Variants in USP33 observed in about 807,000 individuals in gnomAD.
USP33 encodes ubiquitin specific peptidase 33, also known as ubiquitin carboxyl-terminal hydrolase 33.
USP33 carries 46 observed loss-of-function variants against 124.2 expected under a neutral mutation model. The ratio of observed to expected loss-of-function variants is 0.37; its 90% CI spans 0.29 to 0.47. The LOEUF is 0.47. Among genes scored for constraint, USP33 ranks in the 20% least tolerant of loss-of-function variants. The pLI, the probability that USP33 is intolerant of heterozygous loss-of-function variation, is 0.99. For synonymous variants in USP33, 350 were observed against 352.3 expected, an observed-to-expected ratio of 0.99 and a Z score of 0.07; for missense variants, 851 against 1,070.6, an observed-to-expected ratio of 0.79 and a Z score of 2.86.
At chr1:77,700,697 CTTT>C (rs534786658) in intron 22 of USP33, among the ~76,000 whole-genome samples, 3 of 132,138 alleles carry the variant, frequency 2.3e-5, no homozygotes, top group Admixed American at 7.7e-5. Flanking sequence ...ATATCAGAAT[CTTT>C]TTTTTTTTTT....
chr1:77,709,779 ATATC>A (rs984043826), intron 21 of USP33, among the ~76,000 whole-genome samples: 7 of 151,706 alleles, frequency 4.6e-5, no homozygotes, highest in African/African-American at 1.7e-4. Flanking sequence ...AGACATATAT[ATATC>A]TGAGAGCTAG....
intron 10 of USP33, among the ~76,000 whole-genome samples, chr1:77,727,948 T>C (rs923194621): frequency 1.3e-5 from 2 of 152,192 alleles, no homozygotes; most frequent in Admixed American, 6.5e-5. Context: ...TGTATATAAT[T>C]AGAAAATTGC....
chr1:77,756,791 C>T (rs1680840037), intron 1 of USP33, among the ~76,000 whole-genome samples: 1 of 152,208 alleles, frequency 6.6e-6, no homozygotes, highest in South Asian at 2.1e-4. Context: ...CCCATGTCAT[C>T]TCAGGTCCAA....
Position 77,723,419 on chromosome 1 carries a change from T to C in USP33, c.1301A>G (p.Lys434Arg), listed in dbSNP as rs1367257151. ...KKAQSASPKRKKQHKKYRSVI... is the reference protein window; with the variant it reads ...KKAQSASPKRRKQHKKYRSVI... The stretch of plus-strand genomic sequence containing the variant: ...ACTTCTGTATTTCTTGTGCTGTTTT[T>C]TTCTCTTTGGAGATGCAGACTGAGC... The change falls in exon 12 of 24, where the codon AAA (lysine) becomes AGA (arginine). Residue 434 changes from lysine to arginine, a missense_variant. Lys to Arg is a conservative substitution (Grantham distance 26, BLOSUM62 2). Around this residue, in one of 4 missense-constraint regions of USP33, gnomAD observed 281 missense variants for 425.0 expected, o/e 0.66. Transcript: ENST00000370794. 3 of 1,612,720 alleles carry C rather than the reference T, an allele frequency of 1.9e-6. No individual in the cohort carries two copies. Among genetic ancestry groups the C allele is most frequent in the East Asian group, 2.2e-5 (1 of 44,824 alleles).
chr1:77,702,221 G>A lies in USP33; in HGVS notation c.2407-750C>T, dbSNP rs142390739. Among the ~76,000 whole-genome samples the A allele has an allele frequency of 2.8e-3, 389 of 139,518 alleles. 8 individuals are homozygous for A. The highest frequency in any genetic ancestry group is 9.8e-3 in the African/African-American group (366 of 37,494). 91.5% of individuals were successfully genotyped at this position (139,518 alleles called of 152,430 possible). A position where few individuals can be genotyped will look rare whatever the true frequency, so the allele number is the denominator to read the frequency against. On this transcript the variant is annotated intron_variant, in intron 21 of 23. Transcript: ENST00000370794. ...GTATGCTAACTTAGTACTAGAATACGTGGTAGCATCTATGAATAAACAATT... is the reference window on the plus strand; with the variant it reads ...GTATGCTAACTTAGTACTAGAATACATGGTAGCATCTATGAATAAACAATT...
chr1:77,735,023 T>C (rs145161038), intron 6 of USP33, among the ~76,000 whole-genome samples: 4,057 of 151,754 alleles, frequency 0.027, 81 homozygotes, highest in Middle Eastern at 0.1. Flanking sequence ...CTCGGGAGGC[T>C]GAAGCAGGAG....
chr1:77,755,471 G>C (rs1012463759), intron 1 of USP33, among the ~76,000 whole-genome samples: 1 of 152,190 alleles, frequency 6.6e-6, no homozygotes, highest in Non-Finnish European at 1.5e-5. Flanking sequence ...CAAGGTGGGA[G>C]GGTCACTTGA....
At chr1:77,711,324 C>T (rs1675224706) in intron 21 of USP33, among the ~76,000 whole-genome samples, 1 of 152,084 alleles carries the variant, frequency 6.6e-6, no homozygotes, top group African/African-American at 2.4e-5. Context: ...GTCAGGAGTT[C>T]GAGACCAGCA....
rs555750782 is a variant in USP33, at chr1:77,744,672, C to T, written c.-51-2924G>A. On this transcript the variant is annotated intron_variant, in intron 1 of 23. Coordinates refer to ENST00000370794, the MANE Select transcript of USP33 (RefSeq NM_201624.3). ...CAGCCTGAGCAACATAGCGAGACCT[C>T]GTCTCTACTAAAAATTTAAAAAATC... 5.9e-5 allele frequency among the ~76,000 whole-genome samples: 9 copies of T among 152,190 alleles called. No homozygotes were observed. The South Asian group carries it at 1.9e-3, about 32-fold the overall frequency.
At chr1:77,705,554 C>T (rs1387847210) in intron 21 of USP33, among the ~76,000 whole-genome samples, 1 of 151,968 alleles carries the variant, frequency 6.6e-6, no homozygotes, top group African/African-American at 2.4e-5. Flanking sequence ...AGTGCAGGGT[C>T]ATGGTCATAG....
chr1:77,743,019 C>T (rs966892274), intron 1 of USP33, among the ~76,000 whole-genome samples: 18 of 151,706 alleles, frequency 1.2e-4, no homozygotes, highest in South Asian at 4.1e-4. Context: ...CTCAGCTCAC[C>T]GCAAACTTCA....
intron 21 of USP33, among the ~76,000 whole-genome samples, chr1:77,704,334 C>G (rs2101193052): frequency 6.6e-6 from 1 of 152,278 alleles, no homozygotes; most frequent in East Asian, 1.9e-4. Context: ...CCCTAGAGAA[C>G]TGAGAGTTCT....
chr1:77,739,745 A>G (rs1570834681), intron 4 of USP33, among the ~76,000 whole-genome samples: 1 of 152,258 alleles, frequency 6.6e-6, no homozygotes, highest in African/African-American at 2.4e-5. Context: ...GCAAGTAACT[A>G]TTCTAAGAAA....
chr1:77,737,126 G>A (rs1037883252), intron 5 of USP33, among the ~76,000 whole-genome samples: 1 of 151,910 alleles, frequency 6.6e-6, no homozygotes, highest in Non-Finnish European at 1.5e-5. Context: ...AAGTTCTCTT[G>A]TAATATCAGA....
At chr1:77,700,717 TA>T (rs1224585354) in intron 22 of USP33, among the ~76,000 whole-genome samples, 1 of 148,694 alleles carries the variant, frequency 6.7e-6, no homozygotes, top group African/African-American at 2.4e-5. Context: ...TTTTTTTTTT[TA>T]AAGACAAAGT....
At chr1:77,723,570 G>C in intron 11 of USP33, 127 bp from the exon 12 acceptor site, 1 of 632,276 alleles carries the variant, frequency 1.6e-6, no homozygotes, top group Non-Finnish European at 2.6e-6. Flanking sequence ...AAAAATTACT[G>C]TGTTGAAAAT....
intron 10 of USP33, among the ~76,000 whole-genome samples, chr1:77,726,235 C>T (rs1008041736): frequency 6.6e-6 from 1 of 152,022 alleles, no homozygotes; most frequent in Non-Finnish European, 1.5e-5. Flanking sequence ...TAGGCATGAA[C>T]CACCGTGCCC....
In USP33 at chr1:77,718,014, C is replaced by T. The variant is rs1676119148; in HGVS notation, c.1771G>A (p.Glu591Lys). 1 of 1,608,762 alleles carries T rather than the reference C, an allele frequency of 6.2e-7. No homozygotes were observed. The highest frequency in any genetic ancestry group is 1.7e-5 in the Admixed American group (1 of 59,084). ...CTGATTTTGGTGGAAAACATTAGTT[C>T]ATGTCTGAATCTTTTAAGGTGGATG... The part of the protein sequence containing the change: ...LCIHLKRFRH[E>K]LMFSTKISTH... Residue 591 changes from glutamate to lysine, a missense_variant, in exon 17 of 24, where the codon GAA becomes AAA. Glu to Lys is a moderately conservative substitution (Grantham distance 56, BLOSUM62 1). Transcript: ENST00000370794.
At chr1:77,721,975 G>C in intron 13 of USP33, 49 bp downstream of exon 13, 1 of 1,603,920 alleles carries the variant, frequency 6.2e-7, no homozygotes, top group South Asian at 1.1e-5. Context: ...CAGTACAGCA[G>C]AAACAGCAGG....
Sources: gnomAD v4.1 joint callset for allele counts (sites outside exome capture counted in the v4.1 genomes callset) on GRCh38, gnomAD v4.1.1 for gene constraint, gnomAD v4.1.1 regional missense constraint, MANE v1.5 for transcripts, NCBI Gene and HGNC (gene_info 2026-07-23, HGNC 2026-07-21) for gene names.